The following BCL7C variants were observed in gnomAD, a reference collection of about 807,000 sequenced individuals.
BCL7C encodes the protein B-cell CLL/lymphoma 7 protein family member C.
In BCL7C, 8 loss-of-function variants were observed where a neutral mutation model predicts 26.2. That is an observed-to-expected ratio of 0.30 (90% CI 0.18 to 0.55). The LOEUF (loss-of-function observed/expected upper bound fraction) is 0.55, where lower values mean the gene tolerates loss of function less well. Ranked by LOEUF, BCL7C falls within the 20% of genes least tolerant of loss-of-function variation. The pLI, the probability that BCL7C is intolerant of heterozygous loss-of-function variation, is 0.93. For synonymous variants in BCL7C, 90 were observed against 116.5 expected (o/e 0.77, Z 1.47); for missense variants, 262 against 298.5 (o/e 0.88, Z 0.90).
chr16:30,835,699 A>G, intron 5 of BCL7C, among the ~76,000 whole-genome samples: 1 of 151,246 alleles, frequency 6.6e-6, no homozygotes, highest in East Asian at 2.0e-4. Context: ...TATAAAAATT[A>G]GCTGGGCATG....
At chr16:30,853,379 G>A (rs1213857071) in intron 5 of BCL7C, among the ~76,000 whole-genome samples, 1 of 151,640 alleles carries the variant, frequency 6.6e-6, no homozygotes, top group African/African-American at 2.4e-5. Context: ...CTTCCACATC[G>A]TGCCCCACTG....
chr16:30,863,702 C>G (rs1004591392), intron 5 of BCL7C, among the ~76,000 whole-genome samples: 1 of 152,214 alleles, frequency 6.6e-6, no homozygotes, highest in Non-Finnish European at 1.5e-5. Flanking sequence ...TCTCTTCCCA[C>G]ACAAGGTAAA....
chr16:30,858,684 C>T (rs1275859812), intron 5 of BCL7C, among the ~76,000 whole-genome samples: 1 of 152,108 alleles, frequency 6.6e-6, no homozygotes, highest in East Asian at 1.9e-4. Flanking sequence ...AATCCTATCA[C>T]ATGTCAGAAA....
chr16:30,864,985 G>A (rs2054812735), intron 5 of BCL7C, among the ~76,000 whole-genome samples: 1 of 151,494 alleles, frequency 6.6e-6, no homozygotes, highest in Non-Finnish European at 1.5e-5. Flanking sequence ...TGGCTAACAC[G>A]GTGAAACCCC....
chr16:30,866,164 C>G (rs564664042), intron 5 of BCL7C, among the ~76,000 whole-genome samples: 1 of 152,058 alleles, frequency 6.6e-6, no homozygotes, highest in Admixed American at 6.6e-5. Context: ...CAGCGTCTTT[C>G]AGGGAGTGAT....
intron 5 of BCL7C, among the ~76,000 whole-genome samples, chr16:30,864,545 G>A (rs1043962653): frequency 6.6e-6 from 1 of 152,010 alleles, no homozygotes; most frequent in Non-Finnish European, 1.5e-5. Context: ...CCCTAATCCT[G>A]CTCGAAGCAG....
In BCL7C at chr16:30,834,964, TG is replaced by T; in HGVS notation, c.712del (p.Gln238ArgfsTer16). Reference sequence around the variant, plus strand: ...GGAGCCCACTCACCTCCCCTTACCCTGGGGGATTGTTCTGGGTGCCCTCGGG... The same window carrying T: ...GGAGCCCACTCACCTCCCCTTACCCTGGGGATTGTTCTGGGTGCCCTCGGG... On this transcript the variant is annotated frameshift_variant, in exon 6 of 6. Transcript: ENST00000380317. LOFTEE classifies it high-confidence loss of function. This position sits in a 1 kb window ranked among gnomAD's most constrained non-coding sequence, Gnocchi z 4.3. 2 of 1,542,708 alleles carry T rather than the reference TG, an allele frequency of 1.3e-6. No homozygotes were observed. Among genetic ancestry groups the T allele is most frequent in the Non-Finnish European group, 1.7e-6 (2 of 1,143,436 alleles).
chr16:30,878,206 G>A (rs2054982719), intron 5 of BCL7C, among the ~76,000 whole-genome samples: 1 of 150,304 alleles, frequency 6.7e-6, no homozygotes, highest in African/African-American at 2.5e-5. Context: ...AAAATCCCAG[G>A]GCCCAGGTTG....
At chr16:30,865,725 T>C (rs998055386) in intron 5 of BCL7C, among the ~76,000 whole-genome samples, 1 of 115,096 alleles carries the variant, frequency 8.7e-6, no homozygotes, top group South Asian at 3.1e-4. Context: ...GGCTTTTTTT[T>C]TCTTTTTTTT....
At chr16:30,880,415 A>G (rs1447212897) in intron 5 of BCL7C, among the ~76,000 whole-genome samples, 1 of 151,816 alleles carries the variant, frequency 6.6e-6, no homozygotes, top group African/African-American at 2.4e-5. Flanking sequence ...AAAAGTCAGA[A>G]CAGGCTGGGC....
intron 5 of BCL7C, chr16:30,875,407 C>T (rs2143040666): frequency 6.6e-6 from 1 of 152,670 alleles, no homozygotes; most frequent in East Asian, 1.9e-4. Context: ...GCCGCTCTAG[C>T]ACGCGCAGGG....
chr16:30,887,235 G>A (rs1261718780), downstream of BCL7C, among the ~76,000 whole-genome samples: 1 of 152,076 alleles, frequency 6.6e-6, no homozygotes, highest in East Asian at 1.9e-4. Flanking sequence ...CTTGAACCCA[G>A]GAGGCAGAGT....
chr16:30,885,413 CTTT>C (rs976698363), downstream of BCL7C, among the ~76,000 whole-genome samples: 2 of 141,770 alleles, frequency 1.4e-5, no homozygotes, highest in African/African-American at 2.6e-5. Flanking sequence ...GTGGCTTTTT[CTTT>C]TTTTTTTTTT....
chr16:30,866,031 G>A (rs943417140), intron 5 of BCL7C, among the ~76,000 whole-genome samples: 6 of 151,694 alleles, frequency 4.0e-5, no homozygotes, highest in Non-Finnish European at 7.4e-5. Flanking sequence ...CACCTCGCCC[G>A]GCCATATGGG....
intron 5 of BCL7C, among the ~76,000 whole-genome samples, chr16:30,879,708 A>AAAAAAAAAAAAAAAAAAAAAAAAAG: frequency 6.8e-6 from 1 of 147,716 alleles, no homozygotes; most frequent in South Asian, 2.2e-4. Context: ...AAAAAAAAAA[A>AAAAAAAAAAAAAAAAAAAAAAAAAG]ACTGGGCACG....
chr16:30,875,291 G>C (rs1268861140), intron 5 of BCL7C: 2 of 154,344 alleles, frequency 1.3e-5, no homozygotes, highest in African/African-American at 4.8e-5. Context: ...GGCCGCAGAC[G>C]GAGACAGTGC....
At chr16:30,845,217 G>A (rs928630328) in intron 5 of BCL7C, among the ~76,000 whole-genome samples, 1 of 152,190 alleles carries the variant, frequency 6.6e-6, no homozygotes, top group Non-Finnish European at 1.5e-5. Context: ...GGCAGAGCAC[G>A]CTTCTCCAGT....
At chr16:30,885,670 CTGGGATTATAGG>C (rs2055121799), downstream of BCL7C, among the ~76,000 whole-genome samples, 1 of 152,076 alleles carries the variant, frequency 6.6e-6, no homozygotes, top group Admixed American at 6.6e-5. Context: ...TCCCAAGGTG[CTGGGATTATAGG>C]CATGAGCCAC....
At chr16:30,835,244 G>A (rs2054562399) in intron 5 of BCL7C, 3 of 1,142,780 alleles carry the variant, frequency 2.6e-6, no homozygotes, top group Non-Finnish European at 3.6e-6. Context: ...TCCAAATGGC[G>A]CAAGTTGGTG....
Sources: allele counts gnomAD v4.1 joint callset (sites outside exome capture counted in the v4.1 genomes callset), GRCh38; gene constraint gnomAD v4.1.1; non-coding constraint Gnocchi (gnomAD v3.1); transcripts MANE v1.5; gene names NCBI Gene and HGNC (gene_info 2026-07-23, HGNC 2026-07-21).